PTPRS: variants seen among roughly 807,000 people sequenced by gnomAD.
The protein encoded by PTPRS is protein tyrosine phosphatase receptor type S, also known as receptor-type tyrosine-protein phosphatase S.
In PTPRS, 63 loss-of-function variants were observed where a neutral mutation model predicts 215.3. The observed-to-expected ratio is 0.29, with a 90% CI of 0.24 to 0.36. The LOEUF is 0.36. Among genes scored for constraint, PTPRS ranks in the 10% least tolerant of loss-of-function variants. The pLI, the probability that PTPRS is intolerant of heterozygous loss-of-function variation, is 1.00. For synonymous variants in PTPRS, 1,404 were observed against 1,191.4 expected (o/e 1.18, Z -3.68); for missense variants, 2,258 against 2,825.8 (o/e 0.80, Z 4.56).
At chr19:5,302,036 C>G (rs1320731620) in intron 1 of PTPRS, among the ~76,000 whole-genome samples, 1 of 152,062 alleles carries the variant, frequency 6.6e-6, no homozygotes, top group Non-Finnish European at 1.5e-5. Context: ...CTTGCCTTGG[C>G]CCTCCGAAGT....
intron 11 of PTPRS, among the ~76,000 whole-genome samples, chr19:5,243,264 TG>T (rs2044202487): frequency 6.6e-6 from 1 of 151,860 alleles, no homozygotes; most frequent in Admixed American, 6.6e-5. Flanking sequence ...CCAGAGTAGC[TG>T]GGATTACAGG....
Position 5,220,088 on chromosome 19 carries a change from G to A in PTPRS, c.3616C>T (p.Arg1206Trp), listed in dbSNP as rs764944959. The A allele has an allele frequency of 3.0e-5, 49 of 1,613,668 alleles. No individual in the cohort carries two copies. Among genetic ancestry groups the A allele is most frequent in the Middle Eastern group, 1.6e-4 (1 of 6,084 alleles). Reference sequence around the variant, plus strand: ...GAGAAGCGAGCTGCAATATAGGGCCGGGGCACCTCCAGCTGACGCGAGTGC... The same window carrying A: ...GAGAAGCGAGCTGCAATATAGGGCCAGGGCACCTCCAGCTGACGCGAGTGC... Reference protein sequence around the residue: ...LRHSRQLEVPRPYIAARFSVL... With the variant: ...LRHSRQLEVPWPYIAARFSVL... The change falls in exon 22 of 38, where the codon CGG (arginine) becomes TGG (tryptophan). Residue 1206 changes from arginine to tryptophan, a missense_variant. Physicochemically the swap from Arg to Trp is moderately radical, Grantham distance 101 (BLOSUM62 -3). This residue lies in a region of PTPRS where 927 missense variants were observed against 1,125.9 expected (regional missense o/e 0.82). Coordinates refer to ENST00000262963, the MANE Select transcript of PTPRS (RefSeq NM_002850.4).
In PTPRS at chr19:5,212,327, G is replaced by A; in HGVS notation, c.4769+10C>T. ...GGGGAAGCGGATGGGGCAGAGTGGG[G>A]TGGACGTACCTGCAGTGAACCACGA... is the stretch of plus-strand genomic sequence containing the variant. On this transcript the variant is annotated intron_variant, in intron 31 of 37. Transcript: ENST00000262963. 6.2e-7 allele frequency: 1 copy of A among 1,613,456 alleles called. No homozygotes were observed. Among genetic ancestry groups the A allele is most frequent in the Non-Finnish European group, 8.5e-7 (1 of 1,179,736 alleles).
chr19:5,258,018 T>A lies in PTPRS; in HGVS notation c.705A>T (p.Arg235=). ...RYSSPANLYV[R]ELREVRRVAP... is the part of the protein sequence containing the mutation. Reference sequence around the variant, plus strand: ...TGACCTGGACGCGGCGTTCCCTACCTCGCACGTAGAGGTTGGCAGGTGAGG... The same window carrying A: ...TGACCTGGACGCGGCGTTCCCTACCACGCACGTAGAGGTTGGCAGGTGAGG... Residue 235 remains arginine, a splice_region_variant and synonymous_variant, in exon 8 of 38, where the codon CGA becomes CGT. Coordinates refer to ENST00000262963, the MANE Select transcript of PTPRS (RefSeq NM_002850.4). 6.2e-7 allele frequency: 1 copy of A among 1,613,378 alleles called. No individual in the cohort carries two copies. The highest frequency in any genetic ancestry group is 8.5e-7 in the Non-Finnish European group (1 of 1,179,516).
chr19:5,213,003 C>T (rs760736376), intron 30 of PTPRS, among the ~76,000 whole-genome samples: 10 of 152,264 alleles, frequency 6.6e-5, no homozygotes, highest in South Asian at 2.1e-4. Context: ...CCTGCTCCCC[C>T]GTCTTAGCTG....
intron 1 of PTPRS, among the ~76,000 whole-genome samples, chr19:5,291,329 T>A (rs1174162077): frequency 6.6e-6 from 1 of 151,910 alleles, no homozygotes; most frequent in Non-Finnish European, 1.5e-5. Flanking sequence ...TCACCAAGGG[T>A]CCTGCATGGA....
intron 7 of PTPRS, among the ~76,000 whole-genome samples, chr19:5,258,627 G>A (rs1316142077): frequency 6.6e-6 from 1 of 152,196 alleles, no homozygotes. Context: ...ACATGGGTCT[G>A]GGTTCCTCAG....
intron 1 of PTPRS, among the ~76,000 whole-genome samples, chr19:5,333,312 A>AAAAT (rs201964003): frequency 0.029 from 3,777 of 129,418 alleles, 67 homozygotes; most frequent in Non-Finnish European, 0.036. Context: ...TCTACAAAAA[A>AAAAT]AAAATAAATA....
chr19:5,205,656 A>G lies in PTPRS; in HGVS notation c.*1118T>C, dbSNP rs1191431235. On this transcript the variant is annotated 3_prime_UTR_variant, in exon 38 of 38. Coordinates refer to ENST00000262963, the MANE Select transcript of PTPRS (RefSeq NM_002850.4). Reference sequence around the variant, plus strand: ...GAGGAACAACTCGCTTGCTCAGGGTAGGCGGGTAGAGGGGGGCCTGTCCTT... The same window carrying G: ...GAGGAACAACTCGCTTGCTCAGGGTGGGCGGGTAGAGGGGGGCCTGTCCTT... Among the ~76,000 whole-genome samples, 1 of 152,226 alleles carries G rather than the reference A, an allele frequency of 6.6e-6. No individual in the cohort carries two copies. The highest frequency in any genetic ancestry group is 6.5e-5 in the Admixed American group (1 of 15,278).
At chr19:5,242,544 T>A (rs1166232950) in intron 11 of PTPRS, among the ~76,000 whole-genome samples, 2 of 145,618 alleles carry the variant, frequency 1.4e-5, no homozygotes, top group Admixed American at 6.9e-5. Context: ...ATTTTTGTAT[T>A]TTTTTTTTTT....
chr19:5,209,780 C>T (rs953282378), intron 35 of PTPRS, among the ~76,000 whole-genome samples: 8 of 152,188 alleles, frequency 5.3e-5, no homozygotes, highest in African/African-American at 1.7e-4. Context: ...CCAGATTCCA[C>T]CCCTCCAAGG....
rs2048423475 is a variant in PTPRS, at chr19:5,287,272, T to TC, written c.-94-1039dup. On this transcript the variant is annotated intron_variant, in intron 1 of 37. Coordinates refer to ENST00000262963, the MANE Select transcript of PTPRS (RefSeq NM_002850.4). The surrounding 1 kb of genome is among the most constrained non-coding windows in gnomAD (Gnocchi z 4.8). ...CCTTCTCTGCCCCTCAAAGGTCAATTCCCCCTACATTCTACATCCCGGAGC... is the reference window on the plus strand; with the variant it reads ...CCTTCTCTGCCCCTCAAAGGTCAATTCCCCCCTACATTCTACATCCCGGAGC... Among the ~76,000 whole-genome samples, 4 of 152,072 alleles carry TC rather than the reference T, an allele frequency of 2.6e-5. No homozygotes were observed. The highest frequency in any genetic ancestry group is 2.6e-4 in the Admixed American group (4 of 15,252).
chr19:5,311,789 C>T (rs1182521104), intron 1 of PTPRS, among the ~76,000 whole-genome samples: 1 of 151,992 alleles, frequency 6.6e-6, no homozygotes, highest in African/African-American at 2.4e-5. Flanking sequence ...GCCTGTAATC[C>T]CAGCACTTTG....
intron 28 of PTPRS, 98 bp from the exon 29 acceptor site, chr19:5,214,834 C>A: frequency 8.1e-7 from 1 of 1,237,954 alleles, no homozygotes; most frequent in Non-Finnish European, 1.1e-6. Flanking sequence ...CTGACCGCTC[C>A]CAGATTGTCC....
intron 36 of PTPRS, 57 bp downstream of exon 36, chr19:5,208,180 C>A: frequency 6.4e-7 from 1 of 1,556,586 alleles, no homozygotes; most frequent in Non-Finnish European, 8.7e-7. Flanking sequence ...GGGCTGTCCC[C>A]ACCAGGCCTC....
intron 1 of PTPRS, among the ~76,000 whole-genome samples, chr19:5,311,024 T>C (rs2049684742): frequency 6.6e-6 from 1 of 152,038 alleles, no homozygotes; most frequent in South Asian, 2.1e-4. Context: ...GGACTATAGG[T>C]GCATGCCACC....
intron 17 of PTPRS, among the ~76,000 whole-genome samples, chr19:5,225,509 G>A (rs1330396620): frequency 1.3e-5 from 2 of 151,346 alleles, no homozygotes; most frequent in African/African-American, 2.4e-5. Flanking sequence ...GGAGCCGGGG[G>A]GACAGGAAGT....
intron 33 of PTPRS, 85 bp downstream of exon 33, chr19:5,211,505 T>G: frequency 7.2e-7 from 1 of 1,396,178 alleles, no homozygotes; most frequent in South Asian, 1.3e-5. Flanking sequence ...TCTCCCCAGC[T>G]CTGTCTCCCA....
In PTPRS at chr19:5,257,566, G is replaced by A; in HGVS notation, c.706+451C>T. On this transcript the variant is annotated intron_variant, in intron 8 of 37. Transcript: ENST00000262963. This position sits in a 1 kb window ranked among gnomAD's most constrained non-coding sequence, Gnocchi z 4.4. ...ATTAGGGGGGGCAGTGAAGCGGGGA[G>A]CTACGAGGCCACAAAGTTGGGAGAA... The A allele has an allele frequency of 2.3e-6, 1 of 426,866 alleles. No individual in the cohort carries two copies. The allele number at this position is 426,866 out of a possible 1,614,324, so 26.4% of individuals were successfully genotyped here.
Sources: gnomAD v4.1 joint callset for allele counts (sites outside exome capture counted in the v4.1 genomes callset) on GRCh38, gnomAD v4.1.1 for gene constraint, gnomAD v4.1.1 regional missense constraint, Gnocchi (gnomAD v3.1) non-coding constraint, MANE v1.5 for transcripts, NCBI Gene and HGNC (gene_info 2026-07-23, HGNC 2026-07-21) for gene names.